The following FER1L6 variants were observed in gnomAD, a reference collection of about 807,000 sequenced individuals.
FER1L6 encodes fer-1 like family member 6.
Under a neutral mutation model 219.2 loss-of-function variants are expected in FER1L6, and 177 were observed. That is an observed-to-expected ratio of 0.81 (90% CI 0.71 to 0.91). The LOEUF is 0.91. Ranked by LOEUF, FER1L6 falls within the 40% of genes least tolerant of loss-of-function variation. The probability of loss-of-function intolerance (pLI) is 0.00; values close to 1 mark genes in which losing one functional copy is unlikely to be tolerated. For synonymous variants in FER1L6, 768 were observed against 824.3 expected, an observed-to-expected ratio of 0.93 and a Z score of 1.17; for missense variants, 2,153 against 2,259.9, an observed-to-expected ratio of 0.95 and a Z score of 0.96.
chr8:124,113,523 CCATATT>C (rs972726777), intron 39 of FER1L6, among the ~76,000 whole-genome samples: 2 of 152,198 alleles, frequency 1.3e-5, no homozygotes, highest in African/African-American at 4.8e-5. Flanking sequence ...GATATCCACA[CCATATT>C]CATGTCTCCA....
chr8:123,882,376 T>A (rs1351096039), intron 1 of FER1L6, among the ~76,000 whole-genome samples: 1 of 152,124 alleles, frequency 6.6e-6, no homozygotes, highest in African/African-American at 2.4e-5. Flanking sequence ...TCGGAGTGAT[T>A]AGTGAAGAAT....
Position 124,098,393 on chromosome 8 carries a change from T to C in FER1L6, c.4883+510T>C, listed in dbSNP as rs564718138. On this transcript the variant is annotated intron_variant, in intron 37 of 40. Coordinates refer to ENST00000522917, the MANE Select transcript of FER1L6 (RefSeq NM_001039112.2). ...AGTCAGGGAGGGGGATGAGGTGGTA[T>C]AGCATCAGAAAACAGGTGATTTAAA... 2.0e-5 allele frequency among the ~76,000 whole-genome samples: 3 copies of C among 152,228 alleles called. No homozygotes were observed. The South Asian group carries it at 6.2e-4, about 32-fold the overall frequency.
chr8:123,905,150 A>G (rs4242348), intron 1 of FER1L6, among the ~76,000 whole-genome samples: 89,673 of 151,998 alleles, frequency 0.59, 26,694 homozygotes, highest in South Asian at 0.75. Context: ...ACAGGTAAAC[A>G]TGTACCAAGT....
chr8:124,090,058 C>T (rs2069078), intron 33 of FER1L6, among the ~76,000 whole-genome samples: 126,413 of 152,190 alleles, frequency 0.83, 52,646 homozygotes, highest in Non-Finnish European at 0.86. Flanking sequence ...ATTGACTTAA[C>T]ATTTATGCAT....
At chr8:123,906,642 A>G (rs1812957932) in intron 1 of FER1L6, among the ~76,000 whole-genome samples, 1 of 151,932 alleles carries the variant, frequency 6.6e-6, no homozygotes, top group African/African-American at 2.4e-5. Context: ...TCTACTAAAA[A>G]TACAAAAATT....
intron 8 of FER1L6, 148 bp from the exon 9 acceptor site, chr8:123,975,750 A>G: frequency 3.0e-6 from 2 of 659,306 alleles, no homozygotes; most frequent in Admixed American, 6.1e-5. Flanking sequence ...TTTACACTAT[A>G]AAGAAAACTC....
At chr8:124,002,770 T>A (rs144554846) in intron 12 of FER1L6, among the ~76,000 whole-genome samples, 1 of 144,494 alleles carries the variant, frequency 6.9e-6, no homozygotes, top group African/African-American at 2.6e-5. Flanking sequence ...AAGGTGTTCA[T>A]GATATTTAGT....
rs189755451 is a variant in FER1L6, at chr8:123,858,939, A to T, written c.-8+6754A>T. Among the ~76,000 whole-genome samples the T allele has an allele frequency of 4.5e-3, 688 of 152,338 alleles. 2 individuals are homozygous for T. The highest frequency in any genetic ancestry group is 6.7e-3 in the Non-Finnish European group (454 of 68,028). ...CTGTTTTAAAAAATGTTTTTAAAAA[A>T]TTTTAATTGACAAATAATTGTGTGC... On this transcript the variant is annotated intron_variant, in intron 1 of 40. Transcript: ENST00000522917.
chr8:123,880,216 C>T (rs1817082630), intron 1 of FER1L6, among the ~76,000 whole-genome samples: 1 of 152,162 alleles, frequency 6.6e-6, no homozygotes, highest in Admixed American at 6.5e-5. Flanking sequence ...TTCATCAAAC[C>T]AACCAACTGA....
At chr8:123,867,475 T>C (rs1225201519) in intron 1 of FER1L6, among the ~76,000 whole-genome samples, 2 of 152,180 alleles carry the variant, frequency 1.3e-5, no homozygotes, top group Non-Finnish European at 2.9e-5. Context: ...CAAGATGTAA[T>C]AGCGAGTAAG....
chr8:123,982,595 A>T (rs950310018), intron 11 of FER1L6, among the ~76,000 whole-genome samples: 2 of 152,208 alleles, frequency 1.3e-5, no homozygotes, highest in Non-Finnish European at 2.9e-5. Flanking sequence ...CTATGGCTGC[A>T]TGATAACATA....
intron 1 of FER1L6, among the ~76,000 whole-genome samples, chr8:123,895,985 C>G (rs1443686854): frequency 6.6e-6 from 1 of 152,116 alleles, no homozygotes; most frequent in Admixed American, 6.5e-5. Context: ...AGGATGATAC[C>G]ATGCATAGCC....
intron 32 of FER1L6, among the ~76,000 whole-genome samples, chr8:124,078,330 TTA>T (rs1821381907): frequency 6.6e-6 from 1 of 152,198 alleles, no homozygotes; most frequent in Non-Finnish European, 1.5e-5. Context: ...CTCATGGCTC[TTA>T]TAGTTTCCCA....
intron 33 of FER1L6, 34 bp from the exon 34 acceptor site, chr8:124,091,389 G>A: frequency 6.3e-7 from 1 of 1,593,774 alleles, no homozygotes; most frequent in Non-Finnish European, 8.6e-7. Context: ...CTTTAAGTGA[G>A]GACCTCAAAG....
intron 8 of FER1L6, 126 bp downstream of exon 8, chr8:123,975,432 C>G (rs980345868): frequency 4.0e-5 from 35 of 865,134 alleles, no homozygotes; most frequent in Non-Finnish European, 5.8e-5. Flanking sequence ...GGTCACCTGG[C>G]ATTCTGCTCT....
At chr8:124,043,782 G>A (rs1374833753) in intron 20 of FER1L6, among the ~76,000 whole-genome samples, 1 of 152,228 alleles carries the variant, frequency 6.6e-6, no homozygotes, top group East Asian at 1.9e-4. Context: ...TGAGGACGAA[G>A]TTACCTTCTT....
chr8:123,932,923 A>G (rs1428698749), intron 1 of FER1L6, among the ~76,000 whole-genome samples: 9 of 152,220 alleles, frequency 5.9e-5, no homozygotes, highest in Non-Finnish European at 1.0e-4. Flanking sequence ...ACAGACAGGT[A>G]AAAGGGTCAA....
chr8:123,960,392 A>G (rs1375989049), intron 2 of FER1L6, among the ~76,000 whole-genome samples: 1 of 152,220 alleles, frequency 6.6e-6, no homozygotes, highest in East Asian at 1.9e-4. Flanking sequence ...TTCCAGATGA[A>G]TTAAATTAGA....
intron 29 of FER1L6, 146 bp from the exon 30 acceptor site, chr8:124,070,321 A>G: frequency 1.3e-6 from 1 of 777,980 alleles, no homozygotes; most frequent in Non-Finnish European, 2.0e-6. Context: ...CACGTTCCTT[A>G]TCTCACTGAA....
Sources: gnomAD v4.1 joint callset for allele counts (sites outside exome capture counted in the v4.1 genomes callset) on GRCh38, gnomAD v4.1.1 for gene constraint, MANE v1.5 for transcripts, NCBI Gene and HGNC (gene_info 2026-07-23, HGNC 2026-07-21) for gene names.